SNRPN: variants seen among roughly 807,000 people sequenced by gnomAD.
SNRPN encodes small nuclear ribonucleoprotein-associated protein N.
A neutral mutation model predicts 25.2 loss-of-function variants in SNRPN; 7 were observed. The observed-to-expected ratio is 0.28, with a 90% CI of 0.16 to 0.52. The LOEUF (loss-of-function observed/expected upper bound fraction) is 0.52. Among genes scored for constraint, SNRPN ranks in the 20% least tolerant of loss-of-function variants. The probability of loss-of-function intolerance (pLI) is 0.96; values close to 1 mark genes in which losing one functional copy is unlikely to be tolerated. For synonymous variants in SNRPN, 124 were observed against 110.6 expected (o/e 1.12, Z -0.76); for missense variants, 196 against 322.5 (o/e 0.61, Z 3.00).
intron 3 of SNRPN, among the ~76,000 whole-genome samples, chr15:24,973,242 A>G (rs1425171545): frequency 6.6e-6 from 1 of 152,076 alleles, no homozygotes; most frequent in Non-Finnish European, 1.5e-5. Context: ...GGATAGTAAC[A>G]TGATATACAG....
chr15:24,899,752 G>T (rs752114514), intron 2 of SNRPN, among the ~76,000 whole-genome samples: 6 of 152,264 alleles, frequency 3.9e-5, no homozygotes, highest in African/African-American at 1.4e-4. Flanking sequence ...CACTGGTGCC[G>T]CACACTGTGA....
At chr15:24,886,667 AG>A (rs11291584) in intron 2 of SNRPN, 152,198 of 152,198 alleles carry the variant, frequency 1, 76,099 homozygotes, top group Non-Finnish European at 1. Context: ...CATTTTCTTC[AG>A]GGAGAGACCC....
At chr15:24,913,187 C>G (rs145228246) in intron 2 of SNRPN, among the ~76,000 whole-genome samples, 1 of 152,050 alleles carries the variant, frequency 6.6e-6, no homozygotes, top group Non-Finnish European at 1.5e-5. Context: ...TGATCTGGCC[C>G]CATCTGCCTC....
At chr15:24,934,632 C>T (rs1443480494) in intron 3 of SNRPN, among the ~76,000 whole-genome samples, 1 of 152,214 alleles carries the variant, frequency 6.6e-6, no homozygotes, top group African/African-American at 2.4e-5. Context: ...CATCTCAGCT[C>T]ACTGCAACCT....
chr15:24,893,420 C>T (rs1185430177), intron 2 of SNRPN, among the ~76,000 whole-genome samples: 2 of 151,852 alleles, frequency 1.3e-5, no homozygotes, highest in African/African-American at 4.8e-5. Context: ...AGTTCCACAC[C>T]AGCCTGGGCA....
intron 2 of SNRPN, among the ~76,000 whole-genome samples, chr15:24,914,905 T>C (rs1476604219): frequency 1.3e-5 from 2 of 152,030 alleles, no homozygotes; most frequent in Non-Finnish European, 2.9e-5. Flanking sequence ...AGGGACGTTA[T>C]AACCAAGAAG....
At chr15:24,962,067 T>C in intron 1 of SNRPN, 47 bp from the exon 2 acceptor site, 1 of 1,419,840 alleles carries the variant, frequency 7.0e-7, no homozygotes, top group South Asian at 1.1e-5. Flanking sequence ...AGTTATTTCA[T>C]AGATTGATGC....
intron 2 of SNRPN, among the ~76,000 whole-genome samples, chr15:24,890,512 T>C (rs1188229654): frequency 6.6e-6 from 1 of 151,882 alleles, no homozygotes; most frequent in Non-Finnish European, 1.5e-5. Flanking sequence ...CCACCTCTAC[T>C]AAAAATACAA....
chr15:24,978,142 CT>C, intron 8 of SNRPN, 50 bp from the exon 9 acceptor site: 1 of 1,582,724 alleles, frequency 6.3e-7, no homozygotes, highest in Non-Finnish European at 8.6e-7. Context: ...TAAATTCTAA[CT>C]TTTCTAAGCC....
chr15:24,857,644 G>A (rs1873947863), intron 1 of SNRPN, among the ~76,000 whole-genome samples: 1 of 151,762 alleles, frequency 6.6e-6, no homozygotes, highest in Non-Finnish European at 1.5e-5. Context: ...CTGGGTCGAT[G>A]TCTATTGTTT....
chr15:24,941,631 C>T (rs1375212868), intron 3 of SNRPN, among the ~76,000 whole-genome samples: 1 of 152,166 alleles, frequency 6.6e-6, no homozygotes, highest in East Asian at 1.9e-4. Context: ...TGTATTCTTC[C>T]TTACTTCCTT....
intron 1 of SNRPN, among the ~76,000 whole-genome samples, chr15:24,875,553 GAA>G (rs1479898845): frequency 1.3e-5 from 2 of 152,126 alleles, no homozygotes; most frequent in Non-Finnish European, 2.9e-5. Flanking sequence ...CACCGCAACA[GAA>G]GAATATTCAA....
chr15:24,890,721 A>G (rs1448374520), intron 2 of SNRPN, among the ~76,000 whole-genome samples: 6 of 152,142 alleles, frequency 3.9e-5, no homozygotes, highest in African/African-American at 1.4e-4. Context: ...AGCCCCACCT[A>G]TCCCTTGGCC....
chr15:24,838,326 T>C (rs961949474), intron 2 of SNRPN, among the ~76,000 whole-genome samples: 18 of 152,292 alleles, frequency 1.2e-4, no homozygotes, highest in African/African-American at 3.1e-4. Flanking sequence ...TGAGCCACCA[T>C]GCCCGGCGCC....
intron 2 of SNRPN, among the ~76,000 whole-genome samples, chr15:24,835,161 G>GTA (rs10678778): frequency 0.44 from 16,617 of 38,114 alleles, 5,398 homozygotes; most frequent in East Asian, 0.84. Flanking sequence ...AAAATATATA[G>GTA]TATATATATG....
At chr15:24,949,275 G>A (rs1490321840) in intron 3 of SNRPN, among the ~76,000 whole-genome samples, 1 of 151,966 alleles carries the variant, frequency 6.6e-6, no homozygotes, top group African/African-American at 2.4e-5. Context: ...ACCTGCCTCG[G>A]CCTCCCAAAG....
chr15:24,922,878 A>T (rs2060112867), intron 3 of SNRPN, among the ~76,000 whole-genome samples: 1 of 134,806 alleles, frequency 7.4e-6, no homozygotes, highest in Non-Finnish European at 1.6e-5. Flanking sequence ...TCTATGCCAC[A>T]GTAGGCAGAT....
intron 5 of SNRPN, among the ~76,000 whole-genome samples, chr15:24,975,968 T>C (rs879575956): frequency 6.6e-6 from 1 of 152,218 alleles, no homozygotes; most frequent in Non-Finnish European, 1.5e-5. Context: ...GATTTAATTA[T>C]TTAAGTAATT....
intron 2 of SNRPN, chr15:24,909,484 A>G (rs1169981514): frequency 1.9e-6 from 3 of 1,569,376 alleles, no homozygotes; most frequent in African/African-American, 2.7e-5. Context: ...TGTCCATGCC[A>G]AACCTACTGA....
Sources: allele counts gnomAD v4.1 joint callset (sites outside exome capture counted in the v4.1 genomes callset), GRCh38; gene constraint gnomAD v4.1.1; transcripts MANE v1.5; gene names NCBI Gene and HGNC (gene_info 2026-07-23, HGNC 2026-07-21).